ATP5F1A: variants seen among roughly 807,000 people sequenced by gnomAD.
The protein encoded by ATP5F1A is ATP synthase F1 subunit alpha.
Under a neutral mutation model 57.4 loss-of-function variants are expected in ATP5F1A, and 24 were observed. The observed-to-expected ratio is 0.42, with a 90% confidence interval of 0.30 to 0.59. The LOEUF (loss-of-function observed/expected upper bound fraction) is 0.59. Among genes scored for constraint, ATP5F1A ranks in the 20% least tolerant of loss-of-function variants. The probability of loss-of-function intolerance (pLI) is 0.19; values close to 1 mark genes in which losing one functional copy is unlikely to be tolerated. For synonymous variants in ATP5F1A, 251 were observed against 255.5 expected (o/e 0.98, Z 0.17); for missense variants, 494 against 707.9 (o/e 0.70, Z 3.43).
At chr18:46,092,690 T>C (rs1435844203) in intron 2 of ATP5F1A, among the ~76,000 whole-genome samples, 1 of 150,642 alleles carries the variant, frequency 6.6e-6, no homozygotes, top group Non-Finnish European at 1.5e-5. Context: ...TAAAACCAAG[T>C]GATTAAGGAA....
rs911274389 is a variant in ATP5F1A, at chr18:46,088,230, G to C, written c.678C>G (p.Ile226Met). The C allele has an allele frequency of 3.1e-6, 5 of 1,589,824 alleles. No individual in the cohort carries two copies. In the African/African-American group the frequency reaches 6.8e-5, roughly 22 times the overall value. ...TGKTSIAIDT[I>M]INQKRFNDGS... ...CATCATTGAAACGTTTCTGGTTAAT[G>C]ATTGTGTCAATAGCAATTGAGGTTT... The change falls in exon 6 of 12, where the codon ATC (isoleucine) becomes ATG (methionine). Residue 226 changes from isoleucine (I) to methionine (M), a missense_variant. Ile to Met is a conservative substitution (Grantham distance 10, BLOSUM62 1). This residue lies in a region of ATP5F1A where 191 missense variants were observed against 267.7 expected (regional missense o/e 0.71). Coordinates refer to ENST00000398752, the MANE Select transcript of ATP5F1A (RefSeq NM_004046.6).
intron 3 of ATP5F1A, 36 bp from the exon 4 acceptor site, chr18:46,090,032 G>C (rs1177349865): frequency 7.6e-7 from 1 of 1,312,552 alleles, no homozygotes; most frequent in Non-Finnish European, 1.0e-6. Flanking sequence ...CAATGAAGCT[G>C]AATGGGCACT....
At chr18:46,094,184 C>T (rs71355032) in intron 2 of ATP5F1A, among the ~76,000 whole-genome samples, 3 of 138,048 alleles carry the variant, frequency 2.2e-5, no homozygotes, top group South Asian at 2.3e-4. Flanking sequence ...CACACACACA[C>T]ACATATACAC....
At chr18:46,101,051 G>A (rs1438039355), upstream of ATP5F1A, among the ~76,000 whole-genome samples, 1 of 152,100 alleles carries the variant, frequency 6.6e-6, no homozygotes, top group African/African-American at 2.4e-5. Flanking sequence ...CAGCCTGGGC[G>A]ACAGAGTGAG....
chr18:46,095,238 C>G, intron 1 of ATP5F1A, 107 bp from the exon 2 acceptor site: 1 of 999,166 alleles, frequency 1.0e-6, no homozygotes, highest in Non-Finnish European at 1.5e-6. Flanking sequence ...GGTGAAAATG[C>G]TAATTACATA....
chr18:46,099,128 G>A (rs1376920274), upstream of ATP5F1A, among the ~76,000 whole-genome samples: 2 of 152,064 alleles, frequency 1.3e-5, no homozygotes, highest in Admixed American at 6.6e-5. Context: ...ATCACAAGGA[G>A]GCCTAGAAGA....
At chr18:46,087,672 G>C in intron 6 of ATP5F1A, 180 bp from the exon 7 acceptor site, 1 of 657,432 alleles carries the variant, frequency 1.5e-6, no homozygotes, top group Non-Finnish European at 2.6e-6. Flanking sequence ...CTGAGGTCAG[G>C]AGTTCGAGAC....
chr18:46,099,912 C>T (rs1308056984), upstream of ATP5F1A, among the ~76,000 whole-genome samples: 1 of 152,046 alleles, frequency 6.6e-6, no homozygotes, highest in African/African-American at 2.4e-5. Flanking sequence ...CAAGGTAAGC[C>T]ATGGGAAAAT....
chr18:46,092,816 C>G (rs1910662490), intron 2 of ATP5F1A, among the ~76,000 whole-genome samples: 1 of 150,666 alleles, frequency 6.6e-6, no homozygotes, highest in Admixed American at 6.6e-5. Context: ...ATGTTAAAAC[C>G]TGAATTTTTG....
At chr18:46,097,906 C>G in intron 1 of ATP5F1A, 1 of 1,236,726 alleles carries the variant, frequency 8.1e-7, no homozygotes, top group Non-Finnish European at 1.0e-6. Context: ...CTTCTAGGGC[C>G]GCTGTCAGCC....
chr18:46,086,568 T>G (rs1242478525), intron 8 of ATP5F1A, 74 bp from the exon 9 acceptor site: 2 of 1,417,088 alleles, frequency 1.4e-6, no homozygotes, highest in African/African-American at 2.8e-5. Context: ...TAAGTCATTA[T>G]GCCAAAAAGC....
rs1909862314 is a variant in ATP5F1A at position 46,083,245 on chromosome 18, GC to G, written c.*1036del. Reference sequence around the variant, plus strand: ...ACTTGAGCCAAGGAGTTCATCATCAGCCTGGACAACATGGCAAGACCCTCCC... The same window carrying G: ...ACTTGAGCCAAGGAGTTCATCATCAGCTGGACAACATGGCAAGACCCTCCC... On this transcript the variant is annotated 3_prime_UTR_variant, in exon 12 of 12. Coordinates refer to ENST00000398752, the MANE Select transcript of ATP5F1A (RefSeq NM_004046.6). The G allele has an allele frequency of 1.3e-5, 2 of 152,264 alleles. No homozygotes were observed. Among genetic ancestry groups the G allele is most frequent in the Non-Finnish European group, 1.5e-5 (1 of 68,312 alleles). The allele number at this position is 152,264 out of a possible 1,614,324, so 9.4% of individuals were successfully genotyped here.
intron 1 of ATP5F1A, among the ~76,000 whole-genome samples, chr18:46,095,358 G>A (rs764024009): frequency 3.9e-5 from 6 of 152,246 alleles, no homozygotes; most frequent in Non-Finnish European, 7.4e-5. Context: ...TTAAAATGCA[G>A]TCTGTACTTT....
chr18:46,080,746 G>T lies in ATP5F1A; in HGVS notation c.*3536C>A, dbSNP rs760308317. On this transcript the variant is annotated 3_prime_UTR_variant, in exon 12 of 12. Transcript: ENST00000398752. ...GTCCCAAAGTGCTGAGATTACAGGC[G>T]TAAGCCACTGCGCCTGGGCTATCAT... 1 of 151,952 alleles carries T rather than the reference G, an allele frequency of 6.6e-6. No homozygotes were observed. Among genetic ancestry groups the T allele is most frequent in the African/African-American group, 2.4e-5 (1 of 41,376 alleles). 9.4% of individuals were successfully genotyped at this position (151,952 alleles called of 1,614,324 possible).
chr18:46,087,842 C>T (rs1352488436), intron 6 of ATP5F1A: 4 of 464,196 alleles, frequency 8.6e-6, no homozygotes, highest in African/African-American at 2.0e-5. Context: ...ATCGTGCCAT[C>T]GCACTCCAGC....
Position 46,098,226 on chromosome 18 carries a change from C to G in ATP5F1A, c.6G>C (p.Leu2=). M[L]SVRVAAAVVR... is the part of the protein sequence containing the mutation. Reference sequence around the variant, plus strand: ...CCACGGCCGCAGCAACGCGCACGGACAGCATCTTTGCAGTTACTCCGCAGG... The same window carrying G: ...CCACGGCCGCAGCAACGCGCACGGAGAGCATCTTTGCAGTTACTCCGCAGG... The change falls in exon 1 of 12, where the codon CTG becomes CTC. Residue 2 remains leucine, a synonymous_variant. Transcript: ENST00000398752. 2 of 1,606,762 alleles carry G rather than the reference C, an allele frequency of 1.2e-6. No homozygotes were observed. Among genetic ancestry groups the G allele is most frequent in the South Asian group, 2.2e-5 (2 of 91,004 alleles).
rs1909725449 is a variant in ATP5F1A, at chr18:46,081,283, C to T, written c.*2999G>A. The T allele has an allele frequency of 6.6e-6, 1 of 150,966 alleles. No homozygotes were observed. Among genetic ancestry groups the T allele is most frequent in the African/African-American group, 2.4e-5 (1 of 41,034 alleles). 9.4% of individuals were successfully genotyped at this position (150,966 alleles called of 1,614,324 possible). A position where few individuals can be genotyped will look rare whatever the true frequency, so the allele number is the denominator to read the frequency against. On this transcript the variant is annotated 3_prime_UTR_variant, in exon 12 of 12. Coordinates refer to ENST00000398752, the MANE Select transcript of ATP5F1A (RefSeq NM_004046.6). ...TGGGCTACGAGATCCAGTCAACAAA[C>T]AAACAATACATACTCCCAGTAATAA...
intron 5 of ATP5F1A, among the ~76,000 whole-genome samples, chr18:46,088,974 T>C (rs900775144): frequency 6.6e-6 from 1 of 151,992 alleles, no homozygotes; most frequent in East Asian, 1.9e-4. Flanking sequence ...AAATCTGGCC[T>C]ACATGCACAT....
intron 5 of ATP5F1A, 27 bp from the exon 6 acceptor site, chr18:46,088,284 T>C (rs1431073841): frequency 6.5e-7 from 1 of 1,550,150 alleles, no homozygotes. Context: ...TAAATATAAA[T>C]CTTCCTAAAC....
Sources: gnomAD v4.1 joint callset for allele counts (sites outside exome capture counted in the v4.1 genomes callset) on GRCh38, gnomAD v4.1.1 for gene constraint, gnomAD v4.1.1 regional missense constraint, MANE v1.5 for transcripts, NCBI Gene and HGNC (gene_info 2026-07-23, HGNC 2026-07-21) for gene names.